The following ZCCHC17 variants were observed in gnomAD, a reference collection of about 807,000 sequenced individuals.
The protein encoded by ZCCHC17 is zinc finger CCHC domain-containing protein 17.
In ZCCHC17, 18 loss-of-function variants were observed where a neutral mutation model predicts 30.6. The observed-to-expected ratio is 0.59, with a 90% CI of 0.41 to 0.87. ZCCHC17 has a LOEUF of 0.87. Ranked by LOEUF, ZCCHC17 falls within the 40% of genes least tolerant of loss-of-function variation. The pLI, the probability that ZCCHC17 is intolerant of heterozygous loss-of-function variation, is 0.00. For missense variants in ZCCHC17, 263 were observed against 284.2 expected (o/e 0.93, Z 0.54); for synonymous variants, 88 against 92.4 (o/e 0.95, Z 0.27).
intron 7 of ZCCHC17, among the ~76,000 whole-genome samples, chr1:31,361,960 C>A (rs1352922287): frequency 6.6e-6 from 1 of 152,022 alleles, no homozygotes; most frequent in Non-Finnish European, 1.5e-5. Flanking sequence ...TACAGGCCCG[C>A]GTAACCACAC....
intron 3 of ZCCHC17, among the ~76,000 whole-genome samples, chr1:31,320,829 T>G (rs1646843342): frequency 6.6e-6 from 1 of 152,308 alleles, no homozygotes; most frequent in East Asian, 1.9e-4. Flanking sequence ...ATATGATAAC[T>G]CCATGTTCAA....
At chr1:31,327,129 T>C (rs1189369080) in intron 3 of ZCCHC17, among the ~76,000 whole-genome samples, 2 of 152,216 alleles carry the variant, frequency 1.3e-5, no homozygotes, top group African/African-American at 4.8e-5. Flanking sequence ...ATATTCCTTA[T>C]GTTCTCTGAT....
chr1:31,350,983 A>G (rs1557456978), intron 7 of ZCCHC17, among the ~76,000 whole-genome samples: 1 of 152,184 alleles, frequency 6.6e-6, no homozygotes, highest in Non-Finnish European at 1.5e-5. Context: ...CTGACTCCCA[A>G]AAATAAGATA....
At position 31,307,876 on chromosome 1, in the gene ZCCHC17, A is replaced by G. The variant is rs192430486; in HGVS notation, c.-55-2168A>G. Among the ~76,000 whole-genome samples the G allele has an allele frequency of 4.6e-5, 7 of 152,318 alleles. No individual in the cohort carries two copies. In the South Asian group the frequency reaches 6.2e-4, roughly 14 times the overall value. On this transcript the variant is annotated intron_variant, in intron 1 of 7. Coordinates refer to ENST00000344147, the MANE Select transcript of ZCCHC17 (RefSeq NM_016505.4). Reference sequence around the variant, plus strand: ...AGGCGTGAGCCACTGCACCTGGCCTATGACCTTTGTGTGTAGAGTAACAGA... The same window carrying G: ...AGGCGTGAGCCACTGCACCTGGCCTGTGACCTTTGTGTGTAGAGTAACAGA...
At chr1:31,357,707 T>C (rs1205676519) in intron 7 of ZCCHC17, among the ~76,000 whole-genome samples, 1 of 151,838 alleles carries the variant, frequency 6.6e-6, no homozygotes, top group Non-Finnish European at 1.5e-5. Flanking sequence ...AGAATGAGGA[T>C]GTGGGGAGCA....
intron 3 of ZCCHC17, among the ~76,000 whole-genome samples, chr1:31,331,029 A>G (rs1022921099): frequency 6.6e-6 from 1 of 152,226 alleles, no homozygotes; most frequent in African/African-American, 2.4e-5. Flanking sequence ...GACTGAAGAG[A>G]TGGGAGCACT....
At chr1:31,336,430 A>G (rs1638820494) in intron 3 of ZCCHC17, among the ~76,000 whole-genome samples, 1 of 152,194 alleles carries the variant, frequency 6.6e-6, no homozygotes, top group Non-Finnish European at 1.5e-5. Flanking sequence ...TTATATTTCT[A>G]TCAGTATTGT....
At position 31,312,408 on chromosome 1, in the gene ZCCHC17, A is replaced by T. The variant is rs1486993490; in HGVS notation, c.66+2244A>T. Among the ~76,000 whole-genome samples the T allele has an allele frequency of 2.0e-5, 3 of 152,238 alleles. No homozygotes were observed. The East Asian group carries it at 5.8e-4, about 29-fold the overall frequency. ...ATAGTAAGTGCTTGATACATTTTTG[A>T]TGACCGAATGAATTATCAACCTTTG... On this transcript the variant is annotated intron_variant, in intron 2 of 7. Transcript: ENST00000344147.
intron 1 of ZCCHC17, among the ~76,000 whole-genome samples, chr1:31,308,539 T>G (rs1646521950): frequency 6.6e-6 from 1 of 152,080 alleles, no homozygotes; most frequent in African/African-American, 2.4e-5. Flanking sequence ...ACAAGAAAAA[T>G]AATTTCAGGT....
rs1010826112 is a variant in ZCCHC17 at position 31,328,168 on chromosome 1, C to T, written c.124+9002C>T. Among the ~76,000 whole-genome samples the T allele has an allele frequency of 5.3e-5, 8 of 152,246 alleles. No individual in the cohort carries two copies. The East Asian group carries it at 1.2e-3, about 22-fold the overall frequency. The stretch of plus-strand genomic sequence containing the variant: ...CAACAGTGTGTGATAACTGTTCTTA[C>T]AGTATGTTGTTATGTTATTATTGTT... On this transcript the variant is annotated intron_variant, in intron 3 of 7. Transcript: ENST00000344147.
At chr1:31,346,579 T>C (rs1007475651) in intron 5 of ZCCHC17, 61 bp from the exon 6 acceptor site, 1 of 1,510,684 alleles carries the variant, frequency 6.6e-7, no homozygotes, top group African/African-American at 1.4e-5. Flanking sequence ...CAACCTTACC[T>C]TGTAGTATCT....
intron 6 of ZCCHC17, among the ~76,000 whole-genome samples, chr1:31,346,976 C>A (rs1639297770): frequency 6.6e-6 from 1 of 152,166 alleles, no homozygotes; most frequent in Non-Finnish European, 1.5e-5. Flanking sequence ...CCTCCCACCC[C>A]ACCCACAGCA....
intron 3 of ZCCHC17, among the ~76,000 whole-genome samples, chr1:31,332,136 G>A (rs989020366): frequency 3.7e-4 from 57 of 152,320 alleles, no homozygotes; most frequent in African/African-American, 1.4e-3. Context: ...ATCTTGTATT[G>A]TAAATTAATA....
At chr1:31,354,334 G>T (rs1415576124) in intron 7 of ZCCHC17, among the ~76,000 whole-genome samples, 1 of 151,890 alleles carries the variant, frequency 6.6e-6, no homozygotes, top group African/African-American at 2.4e-5. Context: ...GGATTTTTTT[G>T]TGGACTCTTT....
chr1:31,337,301 G>C, intron 4 of ZCCHC17, 26 bp downstream of exon 4: 1 of 1,596,918 alleles, frequency 6.3e-7, no homozygotes, highest in Non-Finnish European at 8.6e-7. Context: ...GCTCCCTTGT[G>C]GTTAGAAAGG....
chr1:31,334,532 C>T (rs963402041), intron 3 of ZCCHC17, among the ~76,000 whole-genome samples: 4 of 151,904 alleles, frequency 2.6e-5, no homozygotes, highest in African/African-American at 9.7e-5. Flanking sequence ...TTGAAGTAAT[C>T]CTCTATTATT....
chr1:31,340,322 T>TTTTG (rs1234693828), intron 5 of ZCCHC17, among the ~76,000 whole-genome samples: 1 of 146,998 alleles, frequency 6.8e-6, no homozygotes, highest in Non-Finnish European at 1.5e-5. Flanking sequence ...AGGGTTTTTT[T>TTTTG]TTTTTTTTTT....
chr1:31,312,394 T>C (rs936099327), intron 2 of ZCCHC17, among the ~76,000 whole-genome samples: 1 of 152,224 alleles, frequency 6.6e-6, no homozygotes, highest in Non-Finnish European at 1.5e-5. Context: ...TAGTAAGTGC[T>C]TGATACATTT....
At chr1:31,297,921 A>G (rs994966810) in intron 1 of ZCCHC17, among the ~76,000 whole-genome samples, 1 of 152,246 alleles carries the variant, frequency 6.6e-6, no homozygotes, top group Non-Finnish European at 1.5e-5. Flanking sequence ...GGAGTATGGT[A>G]CAAGATGAAG....
Sources: gnomAD v4.1 joint callset for allele counts (sites outside exome capture counted in the v4.1 genomes callset) on GRCh38, gnomAD v4.1.1 for gene constraint, MANE v1.5 for transcripts, NCBI Gene and HGNC (gene_info 2026-07-23, HGNC 2026-07-21) for gene names.